Variants in PITPNM2 observed in about 807,000 individuals in gnomAD.
PITPNM2 encodes phosphatidylinositol transfer protein membrane associated 2, also known as membrane-associated phosphatidylinositol transfer protein 2.
A neutral mutation model predicts 132.2 loss-of-function variants in PITPNM2; 35 were observed. That is an observed-to-expected ratio of 0.26 (90% CI 0.20 to 0.35). The LOEUF (loss-of-function observed/expected upper bound fraction) is 0.35, where lower values mean the gene tolerates loss of function less well. Among genes scored for constraint, PITPNM2 ranks in the 10% least tolerant of loss-of-function variants. The pLI is 1.00. For synonymous variants in PITPNM2, 738 were observed against 799.2 expected (o/e 0.92, Z 1.29); for missense variants, 1,332 against 1,912.0 (o/e 0.70, Z 5.66).
chr12:122,990,265 G>A (rs916546861), intron 17 of PITPNM2, among the ~76,000 whole-genome samples: 4 of 152,248 alleles, frequency 2.6e-5, no homozygotes, highest in Admixed American at 6.5e-5. Context: ...TGAGGAAGGC[G>A]GGGCCCTTAC....
In PITPNM2 at chr12:122,996,582, GGA is replaced by G; in HGVS notation, c.1663-7_1663-6del. 1 of 1,613,116 alleles carries G rather than the reference GGA, an allele frequency of 6.2e-7. No individual in the cohort carries two copies. Among genetic ancestry groups the G allele is most frequent in the South Asian group, 1.1e-5 (1 of 91,082 alleles). On this transcript the variant is annotated splice_region_variant and splice_polypyrimidine_tract_variant and intron_variant, in intron 12 of 25. Transcript: ENST00000320201. ...GCAGTCCCCAATCAGGCAGACCTTG[GGA>G]GAGAGGGGCCAGAGGCCTGAGCCAT...
At chr12:122,988,524 G>A (rs903479966) in intron 19 of PITPNM2, among the ~76,000 whole-genome samples, 174 bp from the exon 20 acceptor site, 2 of 152,140 alleles carry the variant, frequency 1.3e-5, no homozygotes, top group Non-Finnish European at 2.9e-5. Flanking sequence ...TTCACCTGAC[G>A]AATGTGCAGA....
intron 2 of PITPNM2, among the ~76,000 whole-genome samples, chr12:123,105,192 C>T (rs2042678747): frequency 6.6e-6 from 1 of 152,178 alleles, no homozygotes; most frequent in Non-Finnish European, 1.5e-5. Flanking sequence ...CTTCCTTTCC[C>T]CTGCTTCTGC....
At chr12:123,122,323 G>A (rs1370403327) in intron 1 of PITPNM2, among the ~76,000 whole-genome samples, 6 of 152,086 alleles carry the variant, frequency 3.9e-5, no homozygotes, top group Non-Finnish European at 4.4e-5. Context: ...TTAGCCGGGC[G>A]TGGTGACACA....
chr12:123,121,462 G>A (rs1428579355), intron 1 of PITPNM2, among the ~76,000 whole-genome samples: 1 of 152,196 alleles, frequency 6.6e-6, no homozygotes, highest in Non-Finnish European at 1.5e-5. Flanking sequence ...TGAGATGATA[G>A]CTACAGTGAA....
intron 14 of PITPNM2, 121 bp from the exon 15 acceptor site, chr12:122,995,100 G>A: frequency 2.6e-6 from 3 of 1,158,098 alleles, no homozygotes; most frequent in South Asian, 3.2e-5. Context: ...GGACAGCCCT[G>A]AGCTGGACCA....
chr12:123,066,365 A>G (rs2041413599), intron 2 of PITPNM2, among the ~76,000 whole-genome samples: 1 of 152,146 alleles, frequency 6.6e-6, no homozygotes, highest in African/African-American at 2.4e-5. Flanking sequence ...GTCACTGTAG[A>G]TGCCCTGAAG....
In PITPNM2 at chr12:123,082,361, C is replaced by T. The variant is rs899075801; in HGVS notation, c.-96+28024G>A. ...TTTTCTTCAGAGCGTTGATCGTTAT[C>T]TAGTACCCGACTTACTTTTCTTTCT... is the stretch of plus-strand genomic sequence containing the variant. On this transcript the variant is annotated intron_variant, in intron 2 of 25. Coordinates refer to ENST00000320201, the MANE Select transcript of PITPNM2 (RefSeq NM_020845.3). The surrounding 1 kb of genome is among the most constrained non-coding windows in gnomAD (Gnocchi z 5.4). Among the ~76,000 whole-genome samples the T allele has an allele frequency of 6.6e-5, 10 of 152,340 alleles. No homozygotes were observed. Among genetic ancestry groups the T allele is most frequent in the Admixed American group, 4.6e-4 (7 of 15,312 alleles).
intron 2 of PITPNM2, among the ~76,000 whole-genome samples, chr12:123,035,677 AC>A (rs1446332347): frequency 6.6e-5 from 10 of 151,830 alleles, no homozygotes; most frequent in African/African-American, 2.4e-4. Flanking sequence ...AAAAAAAAAA[AC>A]AAAAACTTGG....
At chr12:123,116,647 CAAAAA>C (rs5801499) in intron 1 of PITPNM2, among the ~76,000 whole-genome samples, 5 of 107,866 alleles carry the variant, frequency 4.6e-5, no homozygotes, top group Admixed American at 9.7e-5. Flanking sequence ...GACCTTGTTT[CAAAAA>C]AAAAAAAAAA....
At chr12:123,100,626 C>CA (rs1249651394) in intron 2 of PITPNM2, among the ~76,000 whole-genome samples, 3,552 of 123,610 alleles carry the variant, frequency 0.029, 68 homozygotes, top group Middle Eastern at 0.078. Context: ...ACTCCGTCTC[C>CA]AAAAAAAAAA....
chr12:122,995,604 A>ACCGCCC lies in PITPNM2; in HGVS notation c.1838_1839insGGGCGG (p.Gly621_Gly622dup), dbSNP rs760882057. The ACCGCCC allele has an allele frequency of 6.2e-7, 1 of 1,604,970 alleles. No individual in the cohort carries two copies. The highest frequency in any genetic ancestry group is 1.1e-5 in the South Asian group (1 of 90,878). ...CACCACCGCCACCGCCGCCACCGCC[A>ACCGCCC]CCACCGCAGCAGTGTGCTGCATTCA... On this transcript the variant is annotated inframe_insertion, in exon 14 of 26. Coordinates refer to ENST00000320201, the MANE Select transcript of PITPNM2 (RefSeq NM_020845.3).
intron 1 of PITPNM2, among the ~76,000 whole-genome samples, chr12:123,121,145 C>T (rs1173816375): frequency 6.6e-6 from 1 of 152,228 alleles, no homozygotes; most frequent in East Asian, 1.9e-4. Context: ...CAGGTCAGCG[C>T]CAGGCCTGGC....
Position 122,986,226 on chromosome 12 carries a change from C to T in PITPNM2, c.3851G>A (p.Gly1284Asp). 1 of 1,569,432 alleles carries T rather than the reference C, an allele frequency of 6.4e-7. No homozygotes were observed. Among genetic ancestry groups the T allele is most frequent in the Non-Finnish European group, 8.6e-7 (1 of 1,162,330 alleles). ...GTGGTTCCGGGAGCGCAGAAAGTCG[C>T]CCTGGCCGGGCAGGCCGAAGCTGCC... ...RKGSFGLPGQ[G>D]DFLRSRNHLL... The change falls in exon 26 of 26, where the codon GGC becomes GAC. Residue 1284 changes from glycine (G) to aspartate (D), a missense_variant. Physicochemically the swap from Gly to Asp is moderately conservative, Grantham distance 94. Around this residue, in one of 6 missense-constraint regions of PITPNM2, gnomAD observed 163 missense variants for 177.2 expected, o/e 0.92. Coordinates refer to ENST00000320201, the MANE Select transcript of PITPNM2 (RefSeq NM_020845.3).
rs1020034451 is a variant in PITPNM2 at position 123,095,335 on chromosome 12, C to T, written c.-96+15050G>A. On this transcript the variant is annotated intron_variant, in intron 2 of 25. Coordinates refer to ENST00000320201, the MANE Select transcript of PITPNM2 (RefSeq NM_020845.3). The surrounding 1 kb of genome is among the most constrained non-coding windows in gnomAD (Gnocchi z 5.0). The stretch of plus-strand genomic sequence containing the variant: ...ATGGCCCTGTGCTGGGCACAGATCC[C>T]GCTTGGCAGCCCCTGCTGACGATTG... Among the ~76,000 whole-genome samples, 1 of 152,188 alleles carries T rather than the reference C, an allele frequency of 6.6e-6. No individual in the cohort carries two copies. The highest frequency in any genetic ancestry group is 1.9e-4 in the East Asian group (1 of 5,190).
chr12:122,986,393 C>T lies in PITPNM2; in HGVS notation c.3726+43G>A, dbSNP rs368752398. Reference sequence around the variant, plus strand: ...ACGGCTGTCACAGGCTGGGGCTCCCCGAGCTGCCCGCCTGCACCCGCCCCC... The same window carrying T: ...ACGGCTGTCACAGGCTGGGGCTCCCTGAGCTGCCCGCCTGCACCCGCCCCC... On this transcript the variant is annotated intron_variant, in intron 25 of 25. Coordinates refer to ENST00000320201, the MANE Select transcript of PITPNM2 (RefSeq NM_020845.3). The T allele has an allele frequency of 1.8e-3, 2,860 of 1,565,796 alleles. 6 individuals carry two copies. The highest frequency in any genetic ancestry group is 3.9e-3 in the African/African-American group (293 of 74,220).
chr12:123,047,282 G>C (rs1203110089), intron 2 of PITPNM2, among the ~76,000 whole-genome samples: 3 of 152,192 alleles, frequency 2.0e-5, no homozygotes, highest in Non-Finnish European at 4.4e-5. Flanking sequence ...TATTTTGTAG[G>C]AAGTACAAAC....
chr12:123,077,354 T>G lies in PITPNM2; in HGVS notation c.-96+33031A>C, dbSNP rs2041823260. ...TCACTGAACTCTCATTTTCAGATAA[T>G]GAAGGATTGGTCAGAGAGACAGCCA... On this transcript the variant is annotated intron_variant, in intron 2 of 25. Coordinates refer to ENST00000320201, the MANE Select transcript of PITPNM2 (RefSeq NM_020845.3). This position sits in a 1 kb window ranked among gnomAD's most constrained non-coding sequence, Gnocchi z 4.8. Among the ~76,000 whole-genome samples, 2 of 152,128 alleles carry G rather than the reference T, an allele frequency of 1.3e-5. No individual in the cohort carries two copies.
intron 3 of PITPNM2, among the ~76,000 whole-genome samples, chr12:123,028,591 G>A (rs1222264632): frequency 2.0e-5 from 3 of 152,186 alleles, no homozygotes; most frequent in Non-Finnish European, 4.4e-5. Flanking sequence ...CTTGGCACAG[G>A]AAGTGCACAG....
Sources: gnomAD v4.1 joint callset for allele counts (sites outside exome capture counted in the v4.1 genomes callset) on GRCh38, gnomAD v4.1.1 for gene constraint, gnomAD v4.1.1 regional missense constraint, Gnocchi (gnomAD v3.1) non-coding constraint, MANE v1.5 for transcripts, NCBI Gene and HGNC (gene_info 2026-07-23, HGNC 2026-07-21) for gene names.